The following ENTREP2 variants were observed in gnomAD, a reference collection of about 807,000 sequenced individuals.
The protein encoded by ENTREP2 is endosomal transmembrane epsin interactor 2, also known as protein ENTREP2.
chr15:29,674,648 G>A, the ENTREP2 span, among the ~76,000 whole-genome samples: 1 of 151,922 alleles, frequency 6.6e-6, no homozygotes, highest in Non-Finnish European at 1.5e-5. Flanking sequence ...GAATATCGAG[G>A]GATGGAAGGG....
the ENTREP2 span, among the ~76,000 whole-genome samples, chr15:29,220,335 A>C: frequency 2.0e-5 from 3 of 152,238 alleles, no homozygotes; most frequent in Admixed American, 2.0e-4. Context: ...ATTCTGTCCA[A>C]GCTCATTAGA....
the ENTREP2 span, among the ~76,000 whole-genome samples, chr15:29,517,725 A>G: frequency 6.6e-6 from 1 of 152,016 alleles, no homozygotes; most frequent in East Asian, 1.9e-4. Flanking sequence ...CCGCTCACCA[A>G]TGTCTATGAG....
At chr15:29,506,535 G>C in the ENTREP2 span, among the ~76,000 whole-genome samples, 1 of 152,188 alleles carries the variant, frequency 6.6e-6, no homozygotes, top group African/African-American at 2.4e-5. Context: ...ACAAAGGGAA[G>C]CCCATCAGAC....
the ENTREP2 span, among the ~76,000 whole-genome samples, chr15:29,228,162 T>A: frequency 4.6e-4 from 70 of 151,874 alleles, no homozygotes; most frequent in Admixed American, 8.5e-4. Context: ...CTACTAAAAA[T>A]ACAAAAATTA....
the ENTREP2 span, among the ~76,000 whole-genome samples, chr15:29,628,146 A>G: frequency 1.3e-5 from 2 of 152,196 alleles, no homozygotes; most frequent in African/African-American, 4.8e-5. Context: ...AACACTTGTC[A>G]TTTTCAATTT....
At chr15:29,608,814 GCCTCGGCCTCCTAAAGT>G in the ENTREP2 span, among the ~76,000 whole-genome samples, 1 of 151,624 alleles carries the variant, frequency 6.6e-6, no homozygotes, top group African/African-American at 2.4e-5. Context: ...TGATGCGCCC[GCCTCGGCCTCCTAAAGT>G]GCTGGGATTA....
the ENTREP2 span, among the ~76,000 whole-genome samples, chr15:29,618,206 A>C: frequency 6.6e-6 from 1 of 152,022 alleles, no homozygotes; most frequent in East Asian, 1.9e-4. Flanking sequence ...GGCAGATCAC[A>C]AGGTCAGGAG....
At chr15:29,462,071 T>C in the ENTREP2 span, among the ~76,000 whole-genome samples, 6 of 152,202 alleles carry the variant, frequency 3.9e-5, no homozygotes, top group Non-Finnish European at 8.8e-5. Context: ...GTGCAGCATG[T>C]GTCAGAATCT....
chr15:29,205,036 C>T, the ENTREP2 span, among the ~76,000 whole-genome samples: 2 of 152,148 alleles, frequency 1.3e-5, no homozygotes, highest in African/African-American at 4.8e-5. Context: ...TCTGTGGATT[C>T]ACTACTCCAG....
chr15:29,573,036 C>T, the ENTREP2 span, among the ~76,000 whole-genome samples: 207 of 152,160 alleles, frequency 1.4e-3, no homozygotes, highest in African/African-American at 4.8e-3. Flanking sequence ...GGAGATGTTT[C>T]GGAGGTGTCA....
chr15:29,136,198 T>G, the ENTREP2 span, among the ~76,000 whole-genome samples: 1 of 152,206 alleles, frequency 6.6e-6, no homozygotes, highest in African/African-American at 2.4e-5. Context: ...CTGAAAGGCT[T>G]CAAGAGAGAT....
At chr15:29,149,655 G>A in the ENTREP2 span, among the ~76,000 whole-genome samples, 2 of 152,188 alleles carry the variant, frequency 1.3e-5, no homozygotes, top group African/African-American at 2.4e-5. Context: ...GAGGAAACGG[G>A]GTCCCACAGG....
the ENTREP2 span, among the ~76,000 whole-genome samples, chr15:29,360,173 T>C: frequency 6.6e-6 from 1 of 152,232 alleles, no homozygotes; most frequent in Non-Finnish European, 1.5e-5. Flanking sequence ...GACAGACATA[T>C]CACATACTTC....
chr15:29,641,182 A>C, the ENTREP2 span, among the ~76,000 whole-genome samples: 4 of 152,222 alleles, frequency 2.6e-5, no homozygotes, highest in Admixed American at 6.5e-5. Flanking sequence ...TAAGCCTGAT[A>C]AAAAGCATCT....
chr15:29,655,424 T>C, the ENTREP2 span, among the ~76,000 whole-genome samples: 1 of 152,214 alleles, frequency 6.6e-6, no homozygotes, highest in South Asian at 2.1e-4. Flanking sequence ...CTCCCATCTC[T>C]ATGTAAAACG....
chr15:29,302,955 G>A, the ENTREP2 span, among the ~76,000 whole-genome samples: 11 of 152,162 alleles, frequency 7.2e-5, no homozygotes, highest in African/African-American at 2.7e-4. Flanking sequence ...TCCGGTTCAT[G>A]AGCTGAGGCT....
At chr15:29,612,120 G>A in the ENTREP2 span, among the ~76,000 whole-genome samples, 1 of 152,132 alleles carries the variant, frequency 6.6e-6, no homozygotes, top group Non-Finnish European at 1.5e-5. Flanking sequence ...AGTAGATAGG[G>A]CCTTTTGCTT....
the ENTREP2 span, among the ~76,000 whole-genome samples, chr15:29,300,150 TAATGGATGGATG>T: frequency 8.1e-6 from 1 of 123,724 alleles, no homozygotes; most frequent in South Asian, 2.6e-4. Context: ...AATGGATGGA[TAATGGATGGATG>T]GATGGATGGA....
At chr15:29,354,954 A>C in the ENTREP2 span, among the ~76,000 whole-genome samples, 1 of 152,090 alleles carries the variant, frequency 6.6e-6, no homozygotes, top group African/African-American at 2.4e-5. Flanking sequence ...GATCTTGATG[A>C]GGCTTCCCTG....
Sources: allele counts gnomAD v4.1 joint callset (sites outside exome capture counted in the v4.1 genomes callset), GRCh38; gene constraint gnomAD v4.1.1; transcripts MANE v1.5; gene names NCBI Gene and HGNC (gene_info 2026-07-23, HGNC 2026-07-21).